The following TDRP variants were observed in gnomAD, a reference collection of about 807,000 sequenced individuals.
TDRP encodes testis development related protein.
Under a neutral mutation model 10.5 loss-of-function variants are expected in TDRP, and 12 were observed. The observed-to-expected ratio is 1.15, with a 90% CI of 0.73 to 1.86. The LOEUF (loss-of-function observed/expected upper bound fraction) is 1.86. TDRP is among the 40% of genes most tolerant of loss of function. TDRP has a pLI of 0.00. For synonymous variants in TDRP, 139 were observed against 95.4 expected, an observed-to-expected ratio of 1.46 and a Z score of -2.67; for missense variants, 353 against 229.2, an observed-to-expected ratio of 1.54 and a Z score of -3.49.
chr8:514,558 C>A (rs1801703962), intron 1 of TDRP, among the ~76,000 whole-genome samples: 1 of 152,122 alleles, frequency 6.6e-6, no homozygotes, highest in East Asian at 1.9e-4. Context: ...AGTCTGTTGA[C>A]CTCAGAAACA....
chr8:513,481 G>C (rs1801672238), intron 1 of TDRP, among the ~76,000 whole-genome samples: 1 of 152,094 alleles, frequency 6.6e-6, no homozygotes, highest in African/African-American at 2.4e-5. Flanking sequence ...ATTCAACAAA[G>C]TAGAAAAAGA....
At chr8:531,099 CAG>C (rs1424398074) in intron 1 of TDRP, among the ~76,000 whole-genome samples, 1 of 152,170 alleles carries the variant, frequency 6.6e-6, no homozygotes, top group African/African-American at 2.4e-5. Context: ...TTCTACCCAG[CAG>C]AGAGTTGGGT....
intron 1 of TDRP, among the ~76,000 whole-genome samples, chr8:516,658 G>A (rs908373794): frequency 1.3e-5 from 2 of 152,114 alleles, no homozygotes; most frequent in African/African-American, 4.8e-5. Flanking sequence ...CTGCTGGTGG[G>A]AAAATGGTGC....
At chr8:542,560 A>T (rs1292521908) in intron 1 of TDRP, among the ~76,000 whole-genome samples, 1 of 152,138 alleles carries the variant, frequency 6.6e-6, no homozygotes, top group African/African-American at 2.4e-5. Flanking sequence ...AAACCAACAC[A>T]CACTTTAGAT....
chr8:497,167 C>A (rs1174766464), intron 1 of TDRP, among the ~76,000 whole-genome samples: 1 of 152,160 alleles, frequency 6.6e-6, no homozygotes, highest in African/African-American at 2.4e-5. Context: ...CTGGAATAGT[C>A]TGGAGGGTCC....
chr8:542,153 C>G (rs1802510973), intron 1 of TDRP, among the ~76,000 whole-genome samples: 1 of 152,126 alleles, frequency 6.6e-6, no homozygotes, highest in Non-Finnish European at 1.5e-5. Context: ...GTGAGAGAAA[C>G]CTACCTGAAA....
chr8:540,210 C>G (rs1443662873), intron 1 of TDRP, among the ~76,000 whole-genome samples: 2 of 152,142 alleles, frequency 1.3e-5, no homozygotes, highest in Non-Finnish European at 2.9e-5. Context: ...CCGTAAGAGG[C>G]CCAATGAAAT....
chr8:509,644 G>A lies in TDRP; in HGVS notation c.109-15047C>T, dbSNP rs182131312. Among the ~76,000 whole-genome samples, 49 of 152,244 alleles carry A rather than the reference G, an allele frequency of 3.2e-4. No individual in the cohort carries two copies. In the East Asian group the frequency reaches 4.5e-3, roughly 14 times the overall value. On this transcript the variant is annotated intron_variant, in intron 1 of 2. Transcript: ENST00000324079. ...ACCCATTTTTTCCTCCGGGCCTCCAGGCCTGTGATGGGAGGGGCTGCCCCA... is the reference window on the plus strand; with the variant it reads ...ACCCATTTTTTCCTCCGGGCCTCCAAGCCTGTGATGGGAGGGGCTGCCCCA...
intron 1 of TDRP, among the ~76,000 whole-genome samples, chr8:540,837 C>T (rs1339775535): frequency 6.9e-6 from 1 of 144,804 alleles, no homozygotes; most frequent in Admixed American, 6.9e-5. Flanking sequence ...AGGTGTGTAA[C>T]CTGATGTTCA....
chr8:495,970 G>C lies in TDRP; in HGVS notation c.109-1373C>G, dbSNP rs535560780. Among the ~76,000 whole-genome samples, 5 of 152,190 alleles carry C rather than the reference G, an allele frequency of 3.3e-5. No homozygotes were observed. In the South Asian group the frequency reaches 8.3e-4, roughly 25 times the overall value. On this transcript the variant is annotated intron_variant, in intron 1 of 2. Coordinates refer to ENST00000324079, the MANE Select transcript of TDRP (RefSeq NM_001384899.1). ...GGCAGAGGTCTGCATCTGTAGACGGGGGACAGGCCCTCCAACAGTTGTGAC... is the reference window on the plus strand; with the variant it reads ...GGCAGAGGTCTGCATCTGTAGACGGCGGACAGGCCCTCCAACAGTTGTGAC...
At chr8:493,994 T>G (rs998443139) in intron 2 of TDRP, among the ~76,000 whole-genome samples, 38 of 18,970 alleles carry the variant, frequency 2.0e-3, no homozygotes, top group African/African-American at 7.0e-3. Flanking sequence ...ATTTCTGTTG[T>G]TTTTTTTTTT....
chr8:525,385 G>C (rs575681145), intron 1 of TDRP, among the ~76,000 whole-genome samples: 4 of 152,014 alleles, frequency 2.6e-5, no homozygotes, highest in Non-Finnish European at 4.4e-5. Context: ...AAACTTACTG[G>C]TAATACTAAG....
At chr8:519,973 G>C (rs1018867191) in intron 1 of TDRP, among the ~76,000 whole-genome samples, 6 of 152,210 alleles carry the variant, frequency 3.9e-5, no homozygotes, top group African/African-American at 1.4e-4. Context: ...CCGGCATCCA[G>C]CTAAATAAAT....
At chr8:535,294 C>A (rs1173174872) in intron 1 of TDRP, among the ~76,000 whole-genome samples, 1 of 152,102 alleles carries the variant, frequency 6.6e-6, no homozygotes, top group African/African-American at 2.4e-5. Context: ...CCAACCATTT[C>A]TAGACAAAGC....
intron 1 of TDRP, among the ~76,000 whole-genome samples, chr8:496,304 G>C (rs1003849050): frequency 1.2e-4 from 19 of 152,188 alleles, no homozygotes; most frequent in African/African-American, 3.9e-4. Flanking sequence ...CAGAGCATGT[G>C]GCAGGATCCT....
intron 1 of TDRP, among the ~76,000 whole-genome samples, chr8:539,277 G>A (rs961219061): frequency 1.3e-5 from 2 of 152,168 alleles, no homozygotes; most frequent in African/African-American, 4.8e-5. Flanking sequence ...GTGGTAAGAA[G>A]CTGGAGCTCC....
chr8:542,415 C>A (rs533682316), intron 1 of TDRP, among the ~76,000 whole-genome samples: 1 of 151,982 alleles, frequency 6.6e-6, no homozygotes, highest in Non-Finnish European at 1.5e-5. Flanking sequence ...TTGTAACAAA[C>A]GCACCATTCT....
intron 1 of TDRP, among the ~76,000 whole-genome samples, chr8:505,142 C>G (rs1801421598): frequency 6.6e-6 from 1 of 152,090 alleles, no homozygotes; most frequent in Admixed American, 6.6e-5. Flanking sequence ...TAATCTAAAA[C>G]CAAAAATTCT....
chr8:508,636 A>T (rs1157759905), intron 1 of TDRP, among the ~76,000 whole-genome samples: 1 of 152,098 alleles, frequency 6.6e-6, no homozygotes, highest in Non-Finnish European at 1.5e-5. Context: ...ATACATTGCG[A>T]TTATGGGAAT....
Sources: gnomAD v4.1 joint callset for allele counts (sites outside exome capture counted in the v4.1 genomes callset) on GRCh38, gnomAD v4.1.1 for gene constraint, MANE v1.5 for transcripts, NCBI Gene and HGNC (gene_info 2026-07-23, HGNC 2026-07-21) for gene names.